Variants in HPSE2 observed in about 807,000 individuals in gnomAD.
HPSE2 encodes the protein heparanase 2 (inactive), also known as inactive heparanase-2.
Under a neutral mutation model 60.5 loss-of-function variants are expected in HPSE2, and 38 were observed. That is an observed-to-expected ratio of 0.63 (90% CI 0.48 to 0.82). HPSE2 has a LOEUF of 0.82. Among genes scored for constraint, HPSE2 ranks in the 40% least tolerant of loss-of-function variants. HPSE2 has a pLI of 0.00. For synonymous variants in HPSE2, 295 were observed against 293.2 expected, an observed-to-expected ratio of 1.01 and a Z score of -0.06; for missense variants, 713 against 740.4, an observed-to-expected ratio of 0.96 and a Z score of 0.43.
chr10:98,608,958 C>T (rs927565365), intron 9 of HPSE2, among the ~76,000 whole-genome samples: 3 of 152,132 alleles, frequency 2.0e-5, no homozygotes, highest in Non-Finnish European at 4.4e-5. Context: ...TGTGTGGCCA[C>T]TGGACAGCAA....
chr10:98,767,794 AAATTT>A (rs1409272265), intron 3 of HPSE2, among the ~76,000 whole-genome samples: 1 of 145,658 alleles, frequency 6.9e-6, no homozygotes, highest in Non-Finnish European at 1.5e-5. Context: ...AAATATGTAT[AAATTT>A]AATATACTAT....
intron 3 of HPSE2, among the ~76,000 whole-genome samples, chr10:98,861,795 G>C (rs1449536472): frequency 6.6e-6 from 1 of 152,066 alleles, no homozygotes; most frequent in African/African-American, 2.4e-5. Flanking sequence ...TTTCAAAAGG[G>C]GATGCAGGAA....
intron 2 of HPSE2, among the ~76,000 whole-genome samples, chr10:99,162,659 C>G (rs554522575): frequency 6.6e-6 from 1 of 152,166 alleles, no homozygotes; most frequent in African/African-American, 2.4e-5. Flanking sequence ...ACCCTATTCT[C>G]CCTCCAAATA....
the HPSE2 span, among the ~76,000 whole-genome samples, chr10:99,262,953 TTA>T: frequency 6.6e-6 from 1 of 152,206 alleles, no homozygotes; most frequent in Non-Finnish European, 1.5e-5. Flanking sequence ...ACCTTCTTTG[TTA>T]CACACAGCCG....
At chr10:98,501,459 T>G (rs532748286) in intron 9 of HPSE2, among the ~76,000 whole-genome samples, 1 of 152,164 alleles carries the variant, frequency 6.6e-6, no homozygotes, top group Non-Finnish European at 1.5e-5. Flanking sequence ...CACATGATCA[T>G]CTCAATAGAT....
intron 2 of HPSE2, among the ~76,000 whole-genome samples, chr10:99,184,819 T>TATATATAGAGAG (rs1554912295): frequency 1.0e-4 from 2 of 19,862 alleles, no homozygotes; most frequent in Admixed American, 6.9e-4. Context: ...TATATATATA[T>TATATATAGAGAG]AGAGAGAGAG....
chr10:99,132,374 C>A (rs1210362746), intron 3 of HPSE2, among the ~76,000 whole-genome samples: 1 of 152,012 alleles, frequency 6.6e-6, no homozygotes, highest in Non-Finnish European at 1.5e-5. Flanking sequence ...AAAATGAACT[C>A]TTTGATATTG....
chr10:98,955,953 T>C (rs1049052851), intron 3 of HPSE2, among the ~76,000 whole-genome samples: 1 of 151,950 alleles, frequency 6.6e-6, no homozygotes, highest in African/African-American at 2.4e-5. Flanking sequence ...CCAGGGCCTC[T>C]CAGGAGTGAA....
chr10:99,046,553 C>T (rs556954501), intron 3 of HPSE2, among the ~76,000 whole-genome samples: 28 of 152,034 alleles, frequency 1.8e-4, no homozygotes, highest in African/African-American at 6.5e-4. Flanking sequence ...TCTTTGCTGC[C>T]GATATGATTC....
rs140066668 is a variant in HPSE2 at position 98,459,735 on chromosome 10, C to T, written c.1618G>A (p.Val540Met). The part of the protein sequence containing the change: ...YGQEGLKSKS[V>M]QLNGQPLVMV... ...ACTAAGGGCTGGCCATTCAGTTGCA[C>T]TGACCTACAGTGAGGAAAAACAGTA... The change falls in exon 12 of 12, where the codon GTG becomes ATG. Residue 540 changes from valine (V) to methionine (M), a missense_variant. Transcript: ENST00000370552. 6.2e-7 allele frequency: 1 copy of T among 1,613,174 alleles called. No individual in the cohort carries two copies. Among genetic ancestry groups the T allele is most frequent in the South Asian group, 1.1e-5 (1 of 90,926 alleles).
chr10:98,599,973 T>G (rs994405341), intron 9 of HPSE2, among the ~76,000 whole-genome samples: 1 of 152,148 alleles, frequency 6.6e-6, no homozygotes, highest in African/African-American at 2.4e-5. Flanking sequence ...AGCAAAAAAG[T>G]CATGTTTCCT....
At chr10:98,824,555 T>C (rs1951498997) in intron 3 of HPSE2, among the ~76,000 whole-genome samples, 3 of 152,208 alleles carry the variant, frequency 2.0e-5, no homozygotes, top group Admixed American at 1.3e-4. Flanking sequence ...ATCTTTAAAA[T>C]GATGGAGCTA....
At chr10:99,035,560 CAT>C (rs1408426528) in intron 3 of HPSE2, among the ~76,000 whole-genome samples, 1 of 151,712 alleles carries the variant, frequency 6.6e-6, no homozygotes, top group African/African-American at 2.4e-5. Flanking sequence ...AAACCAGTAA[CAT>C]AATCATTTAT....
intron 3 of HPSE2, among the ~76,000 whole-genome samples, chr10:98,909,794 T>TA (rs1411988714): frequency 6.6e-6 from 1 of 151,974 alleles, no homozygotes; most frequent in Non-Finnish European, 1.5e-5. Flanking sequence ...TATAAAACTT[T>TA]AAAAAAATAA....
intron 3 of HPSE2, among the ~76,000 whole-genome samples, chr10:98,940,036 A>T (rs1238810029): frequency 7.0e-6 from 1 of 143,816 alleles, no homozygotes; most frequent in East Asian, 2.0e-4. Context: ...GAAACCAACG[A>T]GAACAAAGAC....
At chr10:99,198,955 G>A (rs1589811235) in intron 2 of HPSE2, among the ~76,000 whole-genome samples, 1 of 152,080 alleles carries the variant, frequency 6.6e-6, no homozygotes, top group East Asian at 1.9e-4. Context: ...GTCCTTCTGT[G>A]ATTAGTTTAT....
intron 6 of HPSE2, among the ~76,000 whole-genome samples, chr10:98,663,308 G>A (rs1565059775): frequency 2.0e-5 from 3 of 152,098 alleles, no homozygotes. Context: ...ATTCTAGAAG[G>A]GAACTCTGCT....
chr10:98,810,779 A>G (rs1951153131), intron 3 of HPSE2, among the ~76,000 whole-genome samples: 1 of 152,172 alleles, frequency 6.6e-6, no homozygotes, highest in African/African-American at 2.4e-5. Flanking sequence ...ATAAAAATAA[A>G]AATAAATCAC....
chr10:98,744,094 C>T, intron 3 of HPSE2, 38 bp from the exon 4 acceptor site: 1 of 1,584,546 alleles, frequency 6.3e-7, no homozygotes, highest in Admixed American at 1.7e-5. Context: ...ACTTTCAAAT[C>T]AACATTCCAA....
Sources: gnomAD v4.1 joint callset for allele counts (sites outside exome capture counted in the v4.1 genomes callset) on GRCh38, gnomAD v4.1.1 for gene constraint, MANE v1.5 for transcripts, NCBI Gene and HGNC (gene_info 2026-07-23, HGNC 2026-07-21) for gene names.